The following PPP2R1B variants were observed in gnomAD, a reference collection of about 807,000 sequenced individuals.
PPP2R1B encodes protein phosphatase 2 scaffold subunit Abeta.
Under a neutral mutation model 72.7 loss-of-function variants are expected in PPP2R1B, and 58 were observed. That is an observed-to-expected ratio of 0.80 (90% CI 0.65 to 0.99). The LOEUF (loss-of-function observed/expected upper bound fraction) is 0.99, where lower values mean the gene tolerates loss of function less well. Ranked by LOEUF, PPP2R1B falls within the 50% of genes least tolerant of loss-of-function variation. PPP2R1B has a pLI of 0.00. For synonymous variants in PPP2R1B, 256 were observed against 264.6 expected, an observed-to-expected ratio of 0.97 and a Z score of 0.32; for missense variants, 695 against 733.6, an observed-to-expected ratio of 0.95 and a Z score of 0.61.
chr11:111,747,965 A>G lies in PPP2R1B; in HGVS notation c.1388T>C (p.Leu463Pro). Reference sequence around the variant, plus strand: ...TTTTATCTACTCACCATGGTCCACGAGCCAAGCCATACATAAAGAATTCAG... The same window carrying G: ...TTTTATCTACTCACCATGGTCCACGGGCCAAGCCATACATAAAGAATTCAG... The part of the protein sequence containing the change: ...EKLNSLCMAW[L>P]VDHVYAIREA... The change falls in exon 11 of 15, where the codon CTC (leucine) becomes CCC (proline). Residue 463 changes from leucine to proline, a missense_variant. By Grantham distance (98) the Leu-to-Pro change is moderately conservative (BLOSUM62 -3). Transcript: ENST00000527614. The G allele has an allele frequency of 6.2e-7, 1 of 1,612,870 alleles. No homozygotes were observed. Among genetic ancestry groups the G allele is most frequent in the Non-Finnish European group, 8.5e-7 (1 of 1,179,196 alleles).
the PPP2R1B span, among the ~76,000 whole-genome samples, chr11:111,697,199 C>CT: frequency 2.0e-5 from 3 of 152,216 alleles, no homozygotes; most frequent in African/African-American, 7.2e-5. Flanking sequence ...TATACCCTCA[C>CT]TTTCTCCTAA....
chr11:111,738,829 C>T lies in PPP2R1B; in HGVS notation c.*2767G>A, dbSNP rs2136032406. The T allele has an allele frequency of 1.0e-6, 1 of 984,974 alleles. No individual in the cohort carries two copies. Among genetic ancestry groups the T allele is most frequent in the African/African-American group, 1.8e-5 (1 of 57,116 alleles). 61.0% of individuals were successfully genotyped at this position (984,974 alleles called of 1,614,324 possible). Reference sequence around the variant, plus strand: ...CCCACACAAATTACAGAGAGAAACACCAAGGTGAATTCCACTGTTGCTGAG... The same window carrying T: ...CCCACACAAATTACAGAGAGAAACATCAAGGTGAATTCCACTGTTGCTGAG... On this transcript the variant is annotated 3_prime_UTR_variant, in exon 15 of 15. Transcript: ENST00000527614.
intron 15 of PPP2R1B, among the ~76,000 whole-genome samples, chr11:111,732,769 C>T (rs1166974739): frequency 6.6e-6 from 1 of 152,208 alleles, no homozygotes; most frequent in East Asian, 1.9e-4. Context: ...TGGGTGGATC[C>T]AGGTGACAGG....
At chr11:111,750,825 AGTTTTT>A (rs1944875711) in intron 10 of PPP2R1B, among the ~76,000 whole-genome samples, 2 of 148,558 alleles carry the variant, frequency 1.3e-5, no homozygotes, top group Non-Finnish European at 3.0e-5. Flanking sequence ...TACAAGCTTC[AGTTTTT>A]GTTTTTGTTT....
At chr11:111,763,719 G>C (rs1945413453) in intron 3 of PPP2R1B, among the ~76,000 whole-genome samples, 2 of 152,124 alleles carry the variant, frequency 1.3e-5, no homozygotes. Flanking sequence ...TACTGAAGTG[G>C]AACAACTAAA....
rs570995641 is a variant in PPP2R1B, at chr11:111,753,458, A to C, written c.1149T>G (p.Ala383=). ...TIEHLLPLFL[A]QLKDECPDVR... The stretch of plus-strand genomic sequence containing the variant: ...CAAGACCCACCTCATCCTTTAACTG[A>C]GCTAAGAAAAGAGGTAGAAGATGTT... The change falls in exon 9 of 15, where the codon GCT becomes GCG. Residue 383 remains alanine (A), a synonymous_variant. Transcript: ENST00000527614. 7 of 1,613,150 alleles carry C rather than the reference A, an allele frequency of 4.3e-6. No individual in the cohort carries two copies. In the African/African-American group the frequency reaches 9.3e-5, roughly 22 times the overall value.
rs1555053131 is a variant in PPP2R1B at position 111,766,272 on chromosome 11, G to A, written c.90C>T (p.Asp30=). ...DSLYPIAVLI[D]ELRNEDVQLR... ...CCTGCACGTCTTCATTGCGGAGCTC[G>A]TCGATTAAAACCGCGATCGGGTATA... The change falls in exon 1 of 15, where the codon GAC becomes GAT. Residue 30 remains aspartate (D), a synonymous_variant. Transcript: ENST00000527614. 3.1e-6 allele frequency: 5 copies of A among 1,613,948 alleles called. No individual in the cohort carries two copies. Among genetic ancestry groups the A allele is most frequent in the Non-Finnish European group, 4.2e-6 (5 of 1,179,902 alleles).
At chr11:111,722,053 T>C (rs990495154), downstream of PPP2R1B, 1 of 692,608 alleles carries the variant, frequency 1.4e-6, no homozygotes, top group South Asian at 2.4e-5. This position sits in a 1 kb window ranked among gnomAD's most constrained non-coding sequence, Gnocchi z 4.4. Context: ...CTTGATTCCT[T>C]ATAGGCAAGT....
Position 111,755,062 on chromosome 11 carries a change from T to G in PPP2R1B, c.876A>C (p.Leu292=), listed in dbSNP as rs782001502. The G allele has an allele frequency of 2.5e-6, 4 of 1,614,036 alleles. No homozygotes were observed. The highest frequency in any genetic ancestry group is 3.4e-6 in the Non-Finnish European group (4 of 1,179,884). ...TCTGAAAGGCGGGGATGAGGTCATTTAGGGTGATTTTAGGACCCATGGCTT... is the reference window on the plus strand; with the variant it reads ...TCTGAAAGGCGGGGATGAGGTCATTGAGGGTGATTTTAGGACCCATGGCTT... The part of the protein sequence containing the change: ...LQKAMGPKIT[L]NDLIPAFQNL... The change falls in exon 7 of 15, where the codon CTA becomes CTC. Residue 292 remains leucine (L), a synonymous_variant. Transcript: ENST00000527614.
chr11:111,747,882 T>C, intron 11 of PPP2R1B, 72 bp downstream of exon 11: 2 of 1,442,572 alleles, frequency 1.4e-6, no homozygotes, highest in Non-Finnish European at 9.6e-7. Flanking sequence ...CAGACTGAGA[T>C]TCCTTTCTAA....
rs782769590 is a variant in PPP2R1B, at chr11:111,755,112, C to A, written c.844-18G>T. ...TTCTGGAGCTATAAAAGAATTTGAA[C>A]GGGTTTTAATGTATACTAACAAAAG... On this transcript the variant is annotated intron_variant, in intron 6 of 14. Coordinates refer to ENST00000527614, the MANE Select transcript of PPP2R1B (RefSeq NM_002716.5). 1.3e-6 allele frequency: 2 copies of A among 1,590,302 alleles called. No homozygotes were observed. Among genetic ancestry groups the A allele is most frequent in the Admixed American group, 1.7e-5 (1 of 57,986 alleles).
chr11:111,745,193 A>T (rs1944664068), intron 11 of PPP2R1B, among the ~76,000 whole-genome samples: 1 of 151,624 alleles, frequency 6.6e-6, no homozygotes. Flanking sequence ...CTGGGATTAC[A>T]GGCGCCCGCC....
chr11:111,693,911 A>G, the PPP2R1B span, among the ~76,000 whole-genome samples: 3 of 152,360 alleles, frequency 2.0e-5, no homozygotes, highest in East Asian at 1.9e-4. Context: ...TTTGAATCCT[A>G]TCTCTGCCAC....
chr11:111,754,498 C>T lies in PPP2R1B; in HGVS notation c.1029+1G>A, dbSNP rs1555048923. On this transcript the variant is annotated splice_donor_variant, in intron 8 of 14. Coordinates refer to ENST00000527614, the MANE Select transcript of PPP2R1B (RefSeq NM_002716.5). LOFTEE classifies it high-confidence loss of function. ...GTGAAACAAAATAAAGTCAGGTTTA[C>T]CTTTATATAAGGCAGAATTTGATTC... The T allele has an allele frequency of 6.3e-7, 1 of 1,598,040 alleles. No individual in the cohort carries two copies. The highest frequency in any genetic ancestry group is 1.2e-5 in the South Asian group (1 of 86,672).
downstream of PPP2R1B, among the ~76,000 whole-genome samples, chr11:111,735,092 CAA>C (rs1007714783): frequency 6.6e-6 from 1 of 152,162 alleles, no homozygotes; most frequent in African/African-American, 2.4e-5. Context: ...AAACCAGAAA[CAA>C]GAGTAGAAGG....
rs891985911 is a variant in PPP2R1B, at chr11:111,739,612, C to T, written c.*1984G>A. On this transcript the variant is annotated 3_prime_UTR_variant, in exon 15 of 15. Coordinates refer to ENST00000527614, the MANE Select transcript of PPP2R1B (RefSeq NM_002716.5). ...GCTTAGGGCTCCTCACTGGGAGACA[C>T]AAGGGCATTTTAAAAGTCTGTCCCC... 4.1e-6 allele frequency: 4 copies of T among 985,262 alleles called. No homozygotes were observed. The highest frequency in any genetic ancestry group is 1.7e-5 in the African/African-American group (1 of 57,228). The allele number at this position is 985,262 out of a possible 1,614,324, so 61.0% of individuals were successfully genotyped here. A position where few individuals can be genotyped will look rare whatever the true frequency, so the allele number is the denominator to read the frequency against.
the PPP2R1B span, among the ~76,000 whole-genome samples, chr11:111,713,883 C>T: frequency 6.6e-6 from 1 of 152,126 alleles, no homozygotes; most frequent in African/African-American, 2.4e-5. Context: ...AAGAGAATTG[C>T]TTGAACCCAG....
chr11:111,743,175 T>C (rs1944585871), intron 12 of PPP2R1B, among the ~76,000 whole-genome samples: 1 of 152,258 alleles, frequency 6.6e-6, no homozygotes, highest in African/African-American at 2.4e-5. Context: ...ATTACAGGCA[T>C]GAGCCACTGT....
Position 111,740,250 on chromosome 11 carries a change from C to T in PPP2R1B, c.*1346G>A, listed in dbSNP as rs1397713198. On this transcript the variant is annotated 3_prime_UTR_variant, in exon 15 of 15. Transcript: ENST00000527614. ...TGTTTTTTTTTGAGATGGACTCTCG[C>T]TCTATGGCCCAGGCTAGAGTGCAGT... is the stretch of plus-strand genomic sequence containing the variant. 11 of 977,312 alleles carry T rather than the reference C, an allele frequency of 1.1e-5. No homozygotes were observed. The highest frequency in any genetic ancestry group is 1.2e-5 in the Non-Finnish European group (10 of 822,658). The allele number at this position is 977,312 out of a possible 1,614,324, so 60.5% of individuals were successfully genotyped here.
Sources: allele counts gnomAD v4.1 joint callset (sites outside exome capture counted in the v4.1 genomes callset), GRCh38; gene constraint gnomAD v4.1.1; non-coding constraint Gnocchi (gnomAD v3.1); transcripts MANE v1.5; gene names NCBI Gene and HGNC (gene_info 2026-07-23, HGNC 2026-07-21).